Variants in ARHGAP20 observed in about 807,000 individuals in gnomAD.
ARHGAP20 encodes the protein rho GTPase-activating protein 20.
In ARHGAP20, 34 loss-of-function variants were observed where a neutral mutation model predicts 73.7. The observed-to-expected ratio is 0.46, with a 90% CI of 0.35 to 0.61. ARHGAP20 has a LOEUF of 0.61. ARHGAP20 is among the 20% of genes least tolerant of loss of function. The pLI is 0.00. For synonymous variants in ARHGAP20, 523 were observed against 518.2 expected (o/e 1.01, Z -0.13); for missense variants, 1,314 against 1,420.9 (o/e 0.92, Z 1.21).
chr11:110,697,881 G>C (rs1246731057), intron 1 of ARHGAP20, among the ~76,000 whole-genome samples: 1 of 151,776 alleles, frequency 6.6e-6, no homozygotes, highest in Non-Finnish European at 1.5e-5. Flanking sequence ...TGTTCTGTTT[G>C]CTTAGGATGG....
intron 2 of ARHGAP20, among the ~76,000 whole-genome samples, chr11:110,664,901 T>C (rs2135053163): frequency 6.6e-6 from 1 of 152,270 alleles, no homozygotes; most frequent in African/African-American, 2.4e-5. Flanking sequence ...ATATATCTTG[T>C]TCCTATGTTG....
intron 6 of ARHGAP20, among the ~76,000 whole-genome samples, chr11:110,612,728 A>G (rs1048418642): frequency 6.6e-6 from 1 of 152,214 alleles, no homozygotes; most frequent in African/African-American, 2.4e-5. Flanking sequence ...CCATTAACAG[A>G]ATTTCTTCTC....
Position 110,579,059 on chromosome 11 carries a change from T to G in ARHGAP20, c.*311A>C. On this transcript the variant is annotated 3_prime_UTR_variant, in exon 15 of 15. Transcript: ENST00000683387. ...CTCAGGACATCAATCTCACAGACTG[T>G]TCCCATAAGTGCTTCCTCTGCAGAA... 1 of 1,020,350 alleles carries G rather than the reference T, an allele frequency of 9.8e-7. No homozygotes were observed. Among genetic ancestry groups the G allele is most frequent in the Non-Finnish European group, 1.2e-6 (1 of 849,870 alleles). 63.2% of individuals were successfully genotyped at this position (1,020,350 alleles called of 1,614,324 possible).
At chr11:110,632,328 G>A (rs911143221) in intron 2 of ARHGAP20, among the ~76,000 whole-genome samples, 2 of 152,104 alleles carry the variant, frequency 1.3e-5, no homozygotes, top group Admixed American at 6.5e-5. Flanking sequence ...GTTGCTCCAC[G>A]ACCTTGCTAA....
At position 110,712,147 on chromosome 11, in the gene ARHGAP20, C is replaced by T; in HGVS notation, c.85G>A (p.Gly29Arg). Residue 29 changes from glycine (G) to arginine (R), a missense_variant, in exon 1 of 15, where the codon GGA becomes AGA. By Grantham distance (125) the Gly-to-Arg change is moderately radical (BLOSUM62 -2). Coordinates refer to ENST00000683387, the MANE Select transcript of ARHGAP20 (RefSeq NM_001384657.1). ...CTCACCTTCTTGGTGCAGCTGCCTC[C>T]CGCGAGCCGAGACACTCCTGTCAGG... The part of the protein sequence containing the change: ...SSLTGVSRLA[G>R]GSCTKKKMKT... 1 of 1,361,136 alleles carries T rather than the reference C, an allele frequency of 7.3e-7. No homozygotes were observed. 84.3% of individuals were successfully genotyped at this position (1,361,136 alleles called of 1,614,324 possible). A position where few individuals can be genotyped will look rare whatever the true frequency, so the allele number is the denominator to read the frequency against.
chr11:110,663,640 A>C (rs1190766727), intron 2 of ARHGAP20, among the ~76,000 whole-genome samples: 1 of 152,076 alleles, frequency 6.6e-6, no homozygotes, highest in East Asian at 1.9e-4. Flanking sequence ...TCCACGCCCA[A>C]ACAGCTTAAC....
At chr11:110,693,887 G>A (rs559865917) in intron 1 of ARHGAP20, among the ~76,000 whole-genome samples, 1 of 151,788 alleles carries the variant, frequency 6.6e-6, no homozygotes, top group Non-Finnish European at 1.5e-5. Context: ...TTGCTTCACA[G>A]AAAACAAGGT....
chr11:110,583,154 G>T (rs989000368), intron 13 of ARHGAP20, among the ~76,000 whole-genome samples: 1 of 152,156 alleles, frequency 6.6e-6, no homozygotes, highest in African/African-American at 2.4e-5. Context: ...TATTATCACC[G>T]ACTCCATTTT....
In ARHGAP20 at chr11:110,578,379, T is replaced by C; in HGVS notation, c.*991A>G. ...CAAAAATCAGAAAAGGGATGATTTA[T>C]AAGTATGTTTTTCTGGCTGACTGTA... On this transcript the variant is annotated 3_prime_UTR_variant, in exon 15 of 15. Transcript: ENST00000683387. 1.0e-6 allele frequency: 1 copy of C among 985,428 alleles called. No homozygotes were observed. Among genetic ancestry groups the C allele is most frequent in the South Asian group, 4.7e-5 (1 of 21,276 alleles). The allele number at this position is 985,428 out of a possible 1,614,324, so 61.0% of individuals were successfully genotyped here.
intron 2 of ARHGAP20, among the ~76,000 whole-genome samples, chr11:110,636,107 C>T (rs1487854586): frequency 1.3e-5 from 2 of 152,102 alleles, no homozygotes; most frequent in Admixed American, 6.6e-5. Context: ...TGCAGTATGG[C>T]TTAATCTAGG....
chr11:110,687,509 C>A (rs193138822), intron 2 of ARHGAP20, among the ~76,000 whole-genome samples: 60 of 152,192 alleles, frequency 3.9e-4, no homozygotes, highest in African/African-American at 1.4e-3. Flanking sequence ...TATATTGGTT[C>A]TCAACTTAAA....
intron 2 of ARHGAP20, among the ~76,000 whole-genome samples, chr11:110,665,070 A>T (rs955773403): frequency 1.3e-5 from 2 of 152,280 alleles, no homozygotes; most frequent in Middle Eastern, 3.4e-3. Context: ...GACACTAGGG[A>T]AGTGCCCATA....
intron 14 of ARHGAP20, 70 bp from the exon 15 acceptor site, chr11:110,581,295 A>C: frequency 7.0e-7 from 1 of 1,437,966 alleles, no homozygotes; most frequent in South Asian, 1.4e-5. Context: ...CCTTAAGAAC[A>C]AATTCTCTTT....
Position 110,684,475 on chromosome 11 carries a change from G to A in ARHGAP20, c.188+6072C>T, listed in dbSNP as rs542278815. 2.6e-5 allele frequency among the ~76,000 whole-genome samples: 4 copies of A among 152,190 alleles called. 1 individual carries two copies. Among genetic ancestry groups the A allele is most frequent in the African/African-American group, 9.6e-5 (4 of 41,548 alleles). ...TCTGAGTAGTATTTTTCTGAAAAAT[G>A]TAAATTTGTTCAACTCCTATGAAAA... On this transcript the variant is annotated intron_variant, in intron 2 of 14. Coordinates refer to ENST00000683387, the MANE Select transcript of ARHGAP20 (RefSeq NM_001384657.1).
At chr11:110,589,374 G>C in intron 11 of ARHGAP20, 1 of 982,770 alleles carries the variant, frequency 1.0e-6, no homozygotes, top group Non-Finnish European at 1.2e-6. Context: ...TATTTATCCA[G>C]AAACATCTGA....
intron 2 of ARHGAP20, among the ~76,000 whole-genome samples, chr11:110,653,988 T>A (rs1949413696): frequency 6.6e-6 from 1 of 151,868 alleles, no homozygotes. Context: ...CACTTATAAG[T>A]GAGAGCTGAA....
At chr11:110,678,714 T>C (rs1949981034) in intron 2 of ARHGAP20, among the ~76,000 whole-genome samples, 2 of 152,140 alleles carry the variant, frequency 1.3e-5, no homozygotes, top group Non-Finnish European at 2.9e-5. Flanking sequence ...CAGGCTGGAG[T>C]GCAGTGGCAC....
At chr11:110,583,814 A>G in intron 12 of ARHGAP20, 77 bp from the exon 13 acceptor site, 1 of 1,226,132 alleles carries the variant, frequency 8.2e-7, no homozygotes, top group South Asian at 1.9e-5. Context: ...CTCACTTTGA[A>G]TGGGGAAGAG....
chr11:110,580,234 G>A lies in ARHGAP20; in HGVS notation c.2712C>T (p.Val904=). The change falls in exon 15 of 15, where the codon GTC becomes GTT. Residue 904 remains valine (V), a synonymous_variant. Coordinates refer to ENST00000683387, the MANE Select transcript of ARHGAP20 (RefSeq NM_001384657.1). The stretch of plus-strand genomic sequence containing the variant: ...TACTCTTGCCCACCTCAATCCCCAT[G>A]ACTAAACTCTGATTAATGAGCTTCT... ...EGQKLINQSL[V]MGIEVGKSSA... is the part of the protein sequence containing the mutation. 6.2e-7 allele frequency: 1 copy of A among 1,614,218 alleles called. No homozygotes were observed.
Sources: gnomAD v4.1 joint callset for allele counts (sites outside exome capture counted in the v4.1 genomes callset) on GRCh38, gnomAD v4.1.1 for gene constraint, MANE v1.5 for transcripts, NCBI Gene and HGNC (gene_info 2026-07-23, HGNC 2026-07-21) for gene names.